PTPRM: variants seen among roughly 807,000 people sequenced by gnomAD.
The protein encoded by PTPRM is receptor-type tyrosine-protein phosphatase mu.
PTPRM carries 47 observed loss-of-function variants against 186.7 expected under a neutral mutation model. The observed-to-expected ratio is 0.25, with a 90% confidence interval of 0.20 to 0.32. The LOEUF (loss-of-function observed/expected upper bound fraction) is 0.32, where lower values mean the gene tolerates loss of function less well. PTPRM is among the 10% of genes least tolerant of loss of function. The probability of loss-of-function intolerance (pLI) is 1.00; values close to 1 mark genes in which losing one functional copy is unlikely to be tolerated. For synonymous variants in PTPRM, 668 were observed against 674.9 expected (o/e 0.99, Z 0.16); for missense variants, 1,494 against 1,865.0 (o/e 0.80, Z 3.66).
chr18:7,603,357 G>A (rs1330573751), intron 1 of PTPRM, among the ~76,000 whole-genome samples: 2 of 152,256 alleles, frequency 1.3e-5, no homozygotes, highest in Non-Finnish European at 2.9e-5. Flanking sequence ...TTGCAACTCC[G>A]TCTTGGGAGA....
At chr18:8,249,974 C>T (rs2094512655) in intron 17 of PTPRM, among the ~76,000 whole-genome samples, 1 of 151,586 alleles carries the variant, frequency 6.6e-6, no homozygotes, top group South Asian at 2.1e-4. Context: ...TATTGAGTAA[C>T]AAGGATTGGT....
chr18:7,911,846 ATTTTTTTTTT>A (rs57590269), intron 4 of PTPRM, among the ~76,000 whole-genome samples: 2 of 80,676 alleles, frequency 2.5e-5, no homozygotes, highest in African/African-American at 1.1e-4. Flanking sequence ...TATGGTTTCA[ATTTTTTTTTT>A]TTTTTTTTTT....
intron 19 of PTPRM, among the ~76,000 whole-genome samples, chr18:8,253,674 A>G (rs1379644524): frequency 2.6e-5 from 4 of 152,162 alleles, no homozygotes; most frequent in African/African-American, 9.7e-5. Flanking sequence ...TGCATCTCAA[A>G]GATATTATAT....
chr18:8,280,415 G>A (rs984880553), intron 19 of PTPRM, among the ~76,000 whole-genome samples: 2 of 144,238 alleles, frequency 1.4e-5, no homozygotes, highest in Non-Finnish European at 3.0e-5. Flanking sequence ...GGGGGTGGGG[G>A]GGGGGTCACA....
chr18:7,949,831 T>C (rs950647778), intron 6 of PTPRM, among the ~76,000 whole-genome samples: 1 of 152,170 alleles, frequency 6.6e-6, no homozygotes, highest in Non-Finnish European at 1.5e-5. Flanking sequence ...TTAGGTTCTA[T>C]TACTATATTT....
intron 14 of PTPRM, among the ~76,000 whole-genome samples, chr18:8,181,963 G>A (rs1568478020): frequency 6.6e-6 from 1 of 152,090 alleles, no homozygotes; most frequent in African/African-American, 2.4e-5. Flanking sequence ...AGCATTTGTT[G>A]GGGGTCTTTA....
chr18:7,746,090 C>A (rs760867864), intron 1 of PTPRM, among the ~76,000 whole-genome samples: 70 of 152,198 alleles, frequency 4.6e-4, no homozygotes, highest in Middle Eastern at 6.8e-3. Context: ...AAGAGATGAT[C>A]CTTGAAAATT....
chr18:7,948,421 A>C (rs528848558), intron 5 of PTPRM, among the ~76,000 whole-genome samples: 11 of 152,316 alleles, frequency 7.2e-5, no homozygotes, highest in African/African-American at 2.6e-4. Context: ...TTGAGGCTTT[A>C]AACTATTGGA....
At chr18:8,315,528 A>C (rs893573024) in intron 21 of PTPRM, among the ~76,000 whole-genome samples, 6 of 152,208 alleles carry the variant, frequency 3.9e-5, no homozygotes, top group Non-Finnish European at 5.9e-5. Flanking sequence ...GAATGAAATC[A>C]AAAGTAGACT....
At chr18:8,260,908 C>T (rs1343702888) in intron 19 of PTPRM, among the ~76,000 whole-genome samples, 4 of 152,216 alleles carry the variant, frequency 2.6e-5, no homozygotes, top group African/African-American at 9.6e-5. Context: ...ATTGCACACA[C>T]TTCTAGACGA....
At chr18:7,659,117 T>TACACACACACAC (rs10541547) in intron 1 of PTPRM, among the ~76,000 whole-genome samples, 393 of 144,006 alleles carry the variant, frequency 2.7e-3, no homozygotes, top group African/African-American at 9.4e-3. Flanking sequence ...CACATGTATG[T>TACACACACACAC]ACACACACAC....
intron 20 of PTPRM, among the ~76,000 whole-genome samples, chr18:8,297,086 C>T (rs774424162): frequency 2.5e-4 from 38 of 152,150 alleles, no homozygotes; most frequent in African/African-American, 8.0e-4. Flanking sequence ...CTGAGACACG[C>T]GCTAGATTGA....
chr18:7,993,106 C>T lies in PTPRM; in HGVS notation c.1132+37692C>T, dbSNP rs559741421. Among the ~76,000 whole-genome samples, 5 of 151,492 alleles carry T rather than the reference C, an allele frequency of 3.3e-5. No homozygotes were observed. The East Asian group carries it at 9.7e-4, about 30-fold the overall frequency. ...ATAACAATACAGTTGACACCTTCAG[C>T]AGTGGATTAGGTCAAGCAGAAGAAA... On this transcript the variant is annotated intron_variant, in intron 7 of 32. Transcript: ENST00000580170.
chr18:7,735,969 G>C (rs917894513), intron 1 of PTPRM, among the ~76,000 whole-genome samples: 5 of 151,694 alleles, frequency 3.3e-5, no homozygotes, highest in African/African-American at 1.2e-4. Flanking sequence ...CCCCACCCTG[G>C]CCAAAATATG....
At chr18:8,235,292 G>A (rs942473951) in intron 14 of PTPRM, among the ~76,000 whole-genome samples, 1 of 151,992 alleles carries the variant, frequency 6.6e-6, no homozygotes, top group African/African-American at 2.4e-5. Context: ...CTTCTTGTGT[G>A]AGTTTTGGCA....
At chr18:7,634,867 A>G (rs889864889) in intron 1 of PTPRM, among the ~76,000 whole-genome samples, 2 of 152,348 alleles carry the variant, frequency 1.3e-5, no homozygotes, top group Non-Finnish European at 2.9e-5. Flanking sequence ...AATTATTTAC[A>G]TGAACAAGAA....
intron 1 of PTPRM, among the ~76,000 whole-genome samples, chr18:7,624,815 T>C (rs1174477328): frequency 6.6e-6 from 1 of 152,198 alleles, no homozygotes; most frequent in Non-Finnish European, 1.5e-5. Flanking sequence ...AGCAGTAGTA[T>C]CTACTGCATG....
intron 2 of PTPRM, among the ~76,000 whole-genome samples, chr18:7,845,984 C>T (rs1180208626): frequency 6.6e-6 from 1 of 152,098 alleles, no homozygotes; most frequent in African/African-American, 2.4e-5. Flanking sequence ...TGAAGCTTGG[C>T]TGTTCTTTCA....
chr18:7,709,009 CAACA>C (rs2040155804), intron 1 of PTPRM, among the ~76,000 whole-genome samples: 1 of 152,022 alleles, frequency 6.6e-6, no homozygotes, highest in Non-Finnish European at 1.5e-5. Flanking sequence ...CTGAAAAGTT[CAACA>C]CCAATTCCTC....
Sources: gnomAD v4.1 joint callset for allele counts (sites outside exome capture counted in the v4.1 genomes callset) on GRCh38, gnomAD v4.1.1 for gene constraint, MANE v1.5 for transcripts, NCBI Gene and HGNC (gene_info 2026-07-23, HGNC 2026-07-21) for gene names.